PLPPR1: variants seen among roughly 807,000 people sequenced by gnomAD.
PLPPR1 encodes the protein phospholipid phosphatase-related protein type 1.
Under a neutral mutation model 33.1 loss-of-function variants are expected in PLPPR1, and 10 were observed. The ratio of observed to expected loss-of-function variants is 0.30; its 90% CI spans 0.19 to 0.51. PLPPR1 has a LOEUF of 0.51. Ranked by LOEUF, PLPPR1 falls within the 20% of genes least tolerant of loss-of-function variation. The pLI is 0.97. For missense variants in PLPPR1, 304 were observed against 408.1 expected (o/e 0.74, Z 2.20); for synonymous variants, 151 against 151.0 (o/e 1.00, Z 0.00).
intron 3 of PLPPR1, among the ~76,000 whole-genome samples, chr9:101,284,128 A>G (rs1223958763): frequency 6.6e-6 from 1 of 152,102 alleles, no homozygotes; most frequent in Non-Finnish European, 1.5e-5. Flanking sequence ...TCTATATACC[A>G]CTACTGAGTG....
chr9:101,318,909 AAT>A (rs1715549055), intron 7 of PLPPR1, among the ~76,000 whole-genome samples: 1 of 152,190 alleles, frequency 6.6e-6, no homozygotes, highest in African/African-American at 2.4e-5. Context: ...GACAACTAAT[AAT>A]ATGATTTTCA....
chr9:101,131,811 C>T (rs1312819984), intron 1 of PLPPR1, among the ~76,000 whole-genome samples: 1 of 152,210 alleles, frequency 6.6e-6, no homozygotes, highest in Non-Finnish European at 1.5e-5. Context: ...GGACTCTGTA[C>T]TCAGATTACC....
chr9:101,275,103 C>G (rs1197374273), intron 3 of PLPPR1, among the ~76,000 whole-genome samples: 1 of 152,182 alleles, frequency 6.6e-6, no homozygotes, highest in Non-Finnish European at 1.5e-5. Flanking sequence ...AAAACCATTT[C>G]CTGTTCTCTA....
chr9:101,100,949 C>A (rs1293260792), intron 1 of PLPPR1, among the ~76,000 whole-genome samples: 1 of 152,112 alleles, frequency 6.6e-6, no homozygotes, highest in Non-Finnish European at 1.5e-5. Context: ...TCTGCCTGAT[C>A]TCAAAACTCA....
At chr9:101,273,291 G>T (rs1204122343) in intron 3 of PLPPR1, among the ~76,000 whole-genome samples, 1 of 152,198 alleles carries the variant, frequency 6.6e-6, no homozygotes, top group African/African-American at 2.4e-5. Flanking sequence ...TATGACCTGA[G>T]AGAGTGCTTC....
chr9:101,052,247 C>T (rs564049981), intron 1 of PLPPR1, among the ~76,000 whole-genome samples: 173 of 152,178 alleles, frequency 1.1e-3, no homozygotes, highest in Admixed American at 2.8e-3. Context: ...CTGAACATAG[C>T]TTTAAGACCG....
intron 1 of PLPPR1, among the ~76,000 whole-genome samples, chr9:101,039,765 C>T (rs1830053696): frequency 6.6e-6 from 1 of 151,972 alleles, no homozygotes; most frequent in Non-Finnish European, 1.5e-5. Flanking sequence ...CATCAGATCT[C>T]GTGAGACTCA....
At chr9:101,144,198 T>C (rs566842567) in intron 1 of PLPPR1, among the ~76,000 whole-genome samples, 104 of 151,990 alleles carry the variant, frequency 6.8e-4, no homozygotes, top group South Asian at 1.2e-3. Flanking sequence ...TTCTCACTCA[T>C]AGGTGGGAAT....
intron 6 of PLPPR1, among the ~76,000 whole-genome samples, chr9:101,313,762 A>G (rs1009440770): frequency 6.6e-6 from 1 of 152,216 alleles, no homozygotes; most frequent in African/African-American, 2.4e-5. Context: ...TAATAGGTAT[A>G]CAATAAATGA....
At chr9:101,317,105 A>G (rs1829068778) in intron 6 of PLPPR1, among the ~76,000 whole-genome samples, 2 of 152,220 alleles carry the variant, frequency 1.3e-5, no homozygotes, top group Admixed American at 6.5e-5. Context: ...TTTAATCATT[A>G]CAAATCTGTG....
chr9:101,181,480 T>C (rs1225606496), intron 1 of PLPPR1, among the ~76,000 whole-genome samples: 1 of 151,034 alleles, frequency 6.6e-6, no homozygotes, highest in East Asian at 1.9e-4. Flanking sequence ...TCCAAAGGAA[T>C]TGAAATCAGT....
intron 3 of PLPPR1, among the ~76,000 whole-genome samples, chr9:101,284,813 T>C (rs1005066888): frequency 1.3e-4 from 20 of 152,194 alleles, no homozygotes; most frequent in African/African-American, 4.8e-4. Context: ...ATTAAAACAT[T>C]AATAAATTTT....
intron 1 of PLPPR1, among the ~76,000 whole-genome samples, chr9:101,081,410 G>A (rs796238916): frequency 2.6e-5 from 4 of 152,116 alleles, no homozygotes; most frequent in African/African-American, 7.2e-5. Flanking sequence ...GGCCAGGCTG[G>A]TCTGGAACTC....
chr9:101,061,593 A>T (rs1830348324), intron 1 of PLPPR1, among the ~76,000 whole-genome samples: 1 of 152,006 alleles, frequency 6.6e-6, no homozygotes, highest in Non-Finnish European at 1.5e-5. Context: ...TTACATTTGC[A>T]CCAACCTAGT....
intron 1 of PLPPR1, among the ~76,000 whole-genome samples, chr9:101,115,028 G>A (rs1415949219): frequency 6.6e-6 from 1 of 152,132 alleles, no homozygotes; most frequent in Non-Finnish European, 1.5e-5. Flanking sequence ...GCAGTTGCTG[G>A]AGATGACTCT....
At chr9:101,195,294 A>G (rs779119479) in intron 2 of PLPPR1, among the ~76,000 whole-genome samples, 33 of 152,294 alleles carry the variant, frequency 2.2e-4, no homozygotes, top group South Asian at 2.1e-4. Context: ...CCACAAATAT[A>G]TTGAAGGGAA....
At chr9:101,261,258 T>C (rs1334289424) in intron 2 of PLPPR1, among the ~76,000 whole-genome samples, 3 of 152,296 alleles carry the variant, frequency 2.0e-5, no homozygotes, top group South Asian at 2.1e-4. Flanking sequence ...TATTATTTCT[T>C]TGGACTTACT....
chr9:101,211,765 A>G (rs1349753020), intron 2 of PLPPR1, among the ~76,000 whole-genome samples: 3 of 152,206 alleles, frequency 2.0e-5, no homozygotes, highest in Admixed American at 1.3e-4. Context: ...TCTTCTTAGA[A>G]TCCAAACTAA....
At chr9:101,106,312 C>T (rs369252374) in intron 1 of PLPPR1, among the ~76,000 whole-genome samples, 7 of 131,870 alleles carry the variant, frequency 5.3e-5, no homozygotes, top group Non-Finnish European at 8.0e-5. Context: ...ATGTTTAGCG[C>T]TTCCTTCAGG....
Sources: allele counts gnomAD v4.1 joint callset (sites outside exome capture counted in the v4.1 genomes callset), GRCh38; gene constraint gnomAD v4.1.1; transcripts MANE v1.5; gene names NCBI Gene and HGNC (gene_info 2026-07-23, HGNC 2026-07-21).